P2RY6: variants seen among roughly 807,000 people sequenced by gnomAD.
P2RY6 encodes P2Y purinoceptor 6.
In P2RY6, 19 loss-of-function variants were observed where a neutral mutation model predicts 16.3. The observed-to-expected ratio is 1.16, with a 90% CI of 0.81 to 1.71. P2RY6 has a LOEUF of 1.71. Among genes scored for constraint, P2RY6 ranks in the 40% most tolerant of loss-of-function variants. The probability of loss-of-function intolerance (pLI) is 0.00; values close to 1 mark genes in which losing one functional copy is unlikely to be tolerated. For missense variants in P2RY6, 389 were observed against 455.5 expected (o/e 0.85, Z 1.33); for synonymous variants, 184 against 201.5 (o/e 0.91, Z 0.74).
In P2RY6 at chr11:73,296,666, C is replaced by T; in HGVS notation, c.148C>T (p.Gln50Ter). ...GLPLNICVIT[Q>*]ICTSRRALTR... The stretch of plus-strand genomic sequence containing the variant: ...GCCGCTGAACATCTGTGTCATTACC[C>T]AGATCTGCACGTCCCGCCGGGCCCT... Residue 50 changes from glutamine to a stop codon, truncating the protein, a stop_gained, in exon 3 of 3, where the codon CAG becomes TAG. Coordinates refer to ENST00000540124, the MANE Select transcript of P2RY6 (RefSeq NM_001277204.2). LOFTEE classifies it high-confidence loss of function. The T allele has an allele frequency of 6.2e-7, 1 of 1,614,186 alleles. No individual in the cohort carries two copies. The highest frequency in any genetic ancestry group is 8.5e-7 in the Non-Finnish European group (1 of 1,180,034).
intron 1 of P2RY6, among the ~76,000 whole-genome samples, chr11:73,291,579 A>C (rs1286701956): frequency 1.3e-5 from 2 of 152,230 alleles, no homozygotes; most frequent in Non-Finnish European, 2.9e-5. Context: ...GTTTACCAGA[A>C]GTTCAAACCT....
At chr11:73,290,343 GAAAGAAAGAA>G (rs1162667673) in intron 1 of P2RY6, among the ~76,000 whole-genome samples, 1 of 148,434 alleles carries the variant, frequency 6.7e-6, no homozygotes, top group East Asian at 2.0e-4. Flanking sequence ...AAGAAAGAAA[GAAAGAAAGAA>G]AGAAAGAAAG....
chr11:73,291,534 C>T (rs1337351513), intron 1 of P2RY6, among the ~76,000 whole-genome samples: 3 of 152,234 alleles, frequency 2.0e-5, no homozygotes, highest in African/African-American at 7.2e-5. Flanking sequence ...CCTGAGCAAG[C>T]ACTAGGTGCT....
chr11:73,277,086 C>T lies in P2RY6; in HGVS notation c.-121+4620C>T, dbSNP rs1048483957. Among the ~76,000 whole-genome samples the T allele has an allele frequency of 2.6e-5, 4 of 151,812 alleles. No individual in the cohort carries two copies. The South Asian group carries it at 8.3e-4, about 32-fold the overall frequency. ...CCTATAAACCCAAGTTGGCCCACTG[C>T]ATCACTGCATCATAATGTCAGAAAT... On this transcript the variant is annotated intron_variant, in intron 1 of 2. Coordinates refer to ENST00000540124, the MANE Select transcript of P2RY6 (RefSeq NM_001277204.2).
At chr11:73,268,460 CA>C (rs34049881), upstream of P2RY6, among the ~76,000 whole-genome samples, 1 of 150,956 alleles carries the variant, frequency 6.6e-6, no homozygotes. Context: ...CCTGTCTCTA[CA>C]AAAAAAAATA....
chr11:73,266,784 C>T (rs930830668), intron 1 of P2RY6, among the ~76,000 whole-genome samples: 2 of 152,144 alleles, frequency 1.3e-5, no homozygotes, highest in Non-Finnish European at 2.9e-5. Flanking sequence ...AGTGCAACCT[C>T]GGGCACCACA....
rs567210059 is a variant in P2RY6 at position 73,283,611 on chromosome 11, A to C, written c.-121+11145A>C. 5.7e-4 allele frequency among the ~76,000 whole-genome samples: 87 copies of C among 152,342 alleles called. 2 individuals are homozygous for C. In the South Asian group the frequency reaches 0.017, roughly 30 times the overall value. On this transcript the variant is annotated intron_variant, in intron 1 of 2. Coordinates refer to ENST00000540124, the MANE Select transcript of P2RY6 (RefSeq NM_001277204.2). ...ATTTCCTTGTGGATGGAGCTCAGACAGTTGCTGGCTCCTTGGTTCCATCTT... is the reference window on the plus strand; with the variant it reads ...ATTTCCTTGTGGATGGAGCTCAGACCGTTGCTGGCTCCTTGGTTCCATCTT...
Position 73,297,446 on chromosome 11 carries a change from C to A in P2RY6, c.928C>A (p.Arg310=), listed in dbSNP as rs139336490. The A allele has an allele frequency of 8.7e-6, 14 of 1,612,392 alleles. No homozygotes were observed. The African/African-American group carries it at 1.6e-4, about 18-fold the overall frequency. The change falls in exon 3 of 3, where the codon CGG becomes AGG. Residue 310 remains arginine (R), a synonymous_variant. Transcript: ENST00000540124. ...CTACTTCACCCAGAAGAAGTTCCGCCGGCGACCACATGAGCTCCTACAGAA... is the reference window on the plus strand; with the variant it reads ...CTACTTCACCCAGAAGAAGTTCCGCAGGCGACCACATGAGCTCCTACAGAA... ...LFYFTQKKFR[R]RPHELLQKLT...
chr11:73,290,986 G>A (rs375846475), intron 1 of P2RY6, among the ~76,000 whole-genome samples: 6 of 152,214 alleles, frequency 3.9e-5, no homozygotes, highest in Non-Finnish European at 7.3e-5. Context: ...CTAAAAGGCC[G>A]GTGGGTAATG....
intron 1 of P2RY6, among the ~76,000 whole-genome samples, chr11:73,283,820 G>A (rs1436647922): frequency 6.6e-6 from 1 of 152,144 alleles, no homozygotes; most frequent in African/African-American, 2.4e-5. Flanking sequence ...GGAGAGGCAC[G>A]AGGGGTCAAG....
chr11:73,284,345 C>A (rs1406737352), intron 1 of P2RY6, among the ~76,000 whole-genome samples: 1 of 152,034 alleles, frequency 6.6e-6, no homozygotes, highest in Admixed American at 6.5e-5. Flanking sequence ...GGTGGGGAGG[C>A]CTAGGCTGGC....
intron 1 of P2RY6, among the ~76,000 whole-genome samples, chr11:73,289,870 C>T (rs1864128320): frequency 6.6e-6 from 1 of 152,164 alleles, no homozygotes; most frequent in South Asian, 2.1e-4. Context: ...GAATAATCCA[C>T]CCCCCACCAA....
rs1183209018 is a variant in P2RY6 at position 73,296,231 on chromosome 11, AAAAT to A, written c.-34-252_-34-249del. Among the ~76,000 whole-genome samples the A allele has an allele frequency of 1.4e-3, 174 of 123,042 alleles. 1 individual carries two copies. Among genetic ancestry groups the A allele is most frequent in the African/African-American group, 5.3e-3 (123 of 23,012 alleles). The allele number at this position is 123,042 out of a possible 152,430, so 80.7% of individuals were successfully genotyped here. ...CACTAGGAAGGCTGAAGGAAAAAAA[AAAAT>A]ATATATATATATATATATATATAAT... is the stretch of plus-strand genomic sequence containing the variant. On this transcript the variant is annotated intron_variant, in intron 2 of 2. Transcript: ENST00000540124.
chr11:73,297,247 G>A lies in P2RY6; in HGVS notation c.729G>A (p.Val243=). 1 of 1,604,852 alleles carries A rather than the reference G, an allele frequency of 6.2e-7. No individual in the cohort carries two copies. The highest frequency in any genetic ancestry group is 8.5e-7 in the Non-Finnish European group (1 of 1,179,592). Residue 243 remains valine, a synonymous_variant, in exon 3 of 3, where the codon GTG becomes GTA. Coordinates refer to ENST00000540124, the MANE Select transcript of P2RY6 (RefSeq NM_001277204.2). The stretch of plus-strand genomic sequence containing the variant: ...GCAAGGCGGCCCGCATGGCCGTGGT[G>A]GTGGCTGCTGCCTTTGCCATCAGCT... ...RRGKAARMAV[V]VAAAFAISFL... is the part of the protein sequence containing the mutation.
At chr11:73,283,999 G>A (rs1016898208) in intron 1 of P2RY6, among the ~76,000 whole-genome samples, 13 of 152,216 alleles carry the variant, frequency 8.5e-5, no homozygotes, top group African/African-American at 1.7e-4. Context: ...GCAGACACAC[G>A]GGTTTATTTG....
At chr11:73,279,999 G>C (rs989113278) in intron 1 of P2RY6, among the ~76,000 whole-genome samples, 4 of 152,186 alleles carry the variant, frequency 2.6e-5, no homozygotes, top group African/African-American at 9.7e-5. Context: ...TTTGATCACT[G>C]AAGATTTCCT....
intron 1 of P2RY6, among the ~76,000 whole-genome samples, chr11:73,279,495 T>C (rs1464587620): frequency 1.3e-5 from 2 of 152,234 alleles, no homozygotes; most frequent in Non-Finnish European, 2.9e-5. Context: ...AGAAAATGTA[T>C]ATCAGTTTAT....
rs554593134 is a variant in P2RY6 at position 73,277,822 on chromosome 11, C to T, written c.-121+5356C>T. ...CTCCAGAAGGGGACACTATCTCTAT[C>T]TTTATCTTCCAAGGCTGTCTGCTCT... On this transcript the variant is annotated intron_variant, in intron 1 of 2. Transcript: ENST00000540124. 1.6e-4 allele frequency among the ~76,000 whole-genome samples: 25 copies of T among 152,332 alleles called. 1 individual carries two copies. The South Asian group carries it at 5.2e-3, about 32-fold the overall frequency.
chr11:73,269,444 A>G (rs1790071), upstream of P2RY6, among the ~76,000 whole-genome samples: 150,434 of 152,304 alleles, frequency 0.99, 74,322 homozygotes, highest in Middle Eastern at 1. Context: ...ATCTCCCGTG[A>G]CATCTGGGAC....
Sources: gnomAD v4.1 joint callset for allele counts (sites outside exome capture counted in the v4.1 genomes callset) on GRCh38, gnomAD v4.1.1 for gene constraint, MANE v1.5 for transcripts, NCBI Gene and HGNC (gene_info 2026-07-23, HGNC 2026-07-21) for gene names.